Variants in CADPS2 observed in about 807,000 individuals in gnomAD.
The protein encoded by CADPS2 is calcium-dependent secretion activator 2.
A neutral mutation model predicts 172.5 loss-of-function variants in CADPS2; 93 were observed. The ratio of observed to expected loss-of-function variants is 0.54; its 90% CI spans 0.46 to 0.64. CADPS2 has a LOEUF of 0.64. CADPS2 is among the 30% of genes least tolerant of loss of function. CADPS2 has a pLI of 0.00. For synonymous variants in CADPS2, 546 were observed against 555.2 expected (o/e 0.98, Z 0.23); for missense variants, 1,420 against 1,565.9 (o/e 0.91, Z 1.57).
At chr7:122,406,353 A>G (rs995062757) in intron 20 of CADPS2, among the ~76,000 whole-genome samples, 2 of 152,224 alleles carry the variant, frequency 1.3e-5, no homozygotes, top group African/African-American at 4.8e-5. Flanking sequence ...AGCAGCAAAA[A>G]CATGTGCAGT....
chr7:122,623,179 G>T (rs2075766672), intron 4 of CADPS2, among the ~76,000 whole-genome samples: 1 of 131,770 alleles, frequency 7.6e-6, no homozygotes, highest in Admixed American at 8.7e-5. Context: ...CAGCAAATTT[G>T]TATCCTTAAG....
intron 7 of CADPS2, among the ~76,000 whole-genome samples, chr7:122,558,952 CAG>C (rs1455213977): frequency 6.6e-6 from 1 of 152,054 alleles, no homozygotes; most frequent in Non-Finnish European, 1.5e-5. Flanking sequence ...GCTAGAAAAA[CAG>C]AGGGGCTAGA....
chr7:122,880,020 T>C (rs1435119235), intron 1 of CADPS2, among the ~76,000 whole-genome samples: 1 of 152,220 alleles, frequency 6.6e-6, no homozygotes, highest in African/African-American at 2.4e-5. Flanking sequence ...ATTACTTTAA[T>C]AATTATGTTA....
chr7:122,444,127 T>C (rs2151980278), intron 15 of CADPS2, among the ~76,000 whole-genome samples: 1 of 152,308 alleles, frequency 6.6e-6, no homozygotes, highest in Admixed American at 6.5e-5. Flanking sequence ...TTGATATTCA[T>C]TCATGCTGTT....
intron 12 of CADPS2, among the ~76,000 whole-genome samples, chr7:122,479,220 T>C (rs2057027692): frequency 6.6e-6 from 1 of 152,170 alleles, no homozygotes. Flanking sequence ...CAAATGACTC[T>C]TTTGAAATAT....
intron 8 of CADPS2, among the ~76,000 whole-genome samples, chr7:122,541,358 A>C (rs1424581996): frequency 4.7e-5 from 4 of 85,416 alleles, no homozygotes; most frequent in Non-Finnish European, 6.5e-5. Flanking sequence ...CACCACACCC[A>C]GCTATTTTTT....
chr7:122,797,438 G>A (rs1361504971), intron 1 of CADPS2, among the ~76,000 whole-genome samples: 3 of 152,042 alleles, frequency 2.0e-5, no homozygotes, highest in Non-Finnish European at 4.4e-5. Flanking sequence ...CAAACACATG[G>A]AATCAAACTA....
intron 5 of CADPS2, among the ~76,000 whole-genome samples, chr7:122,615,631 G>A (rs2074815534): frequency 6.6e-6 from 1 of 151,996 alleles, no homozygotes; most frequent in Non-Finnish European, 1.5e-5. Flanking sequence ...TGCACATTAA[G>A]CAGAATCACA....
At chr7:122,701,228 G>A (rs966509393) in intron 2 of CADPS2, among the ~76,000 whole-genome samples, 6 of 152,092 alleles carry the variant, frequency 3.9e-5, no homozygotes, top group Non-Finnish European at 8.8e-5. Context: ...AAGAAAATGT[G>A]GCACATATAC....
At chr7:122,674,033 T>C (rs2135628525) in intron 2 of CADPS2, among the ~76,000 whole-genome samples, 1 of 152,172 alleles carries the variant, frequency 6.6e-6, no homozygotes, top group Non-Finnish European at 1.5e-5. Flanking sequence ...CTGGCAGTAC[T>C]GGGGGATCCG....
chr7:122,484,624 GA>G (rs2057618633), intron 11 of CADPS2, among the ~76,000 whole-genome samples: 1 of 149,148 alleles, frequency 6.7e-6, no homozygotes, highest in Middle Eastern at 3.4e-3. Context: ...GCACAACTAT[GA>G]AAAAAATTGA....
chr7:122,710,259 G>GT (rs2088486435), intron 2 of CADPS2, among the ~76,000 whole-genome samples: 1 of 151,932 alleles, frequency 6.6e-6, no homozygotes, highest in South Asian at 2.1e-4. Flanking sequence ...TTCTCCTTAC[G>GT]TTTTTCCAAT....
intron 1 of CADPS2, among the ~76,000 whole-genome samples, chr7:122,872,182 T>C (rs1819931098): frequency 6.6e-6 from 1 of 152,082 alleles, no homozygotes; most frequent in Non-Finnish European, 1.5e-5. Context: ...TTACATAGTT[T>C]TAAGGTGATT....
At chr7:122,835,715 G>A (rs1226386290) in intron 1 of CADPS2, among the ~76,000 whole-genome samples, 4 of 152,092 alleles carry the variant, frequency 2.6e-5, no homozygotes, top group Non-Finnish European at 5.9e-5. Flanking sequence ...GAAATGAAGT[G>A]AGAAGTTTAG....
intron 9 of CADPS2, among the ~76,000 whole-genome samples, chr7:122,494,299 G>A (rs1427052581): frequency 6.6e-6 from 1 of 152,112 alleles, no homozygotes; most frequent in Admixed American, 6.6e-5. Context: ...AGCAAGGAAC[G>A]TATCTCAAGG....
intron 8 of CADPS2, among the ~76,000 whole-genome samples, chr7:122,544,959 T>TC (rs1406445277): frequency 6.6e-6 from 1 of 152,114 alleles, no homozygotes; most frequent in Non-Finnish European, 1.5e-5. Flanking sequence ...CTAAGTAAGG[T>TC]CCTAGACAGC....
intron 3 of CADPS2, among the ~76,000 whole-genome samples, chr7:122,646,073 T>C (rs528653500): frequency 6.6e-6 from 1 of 152,104 alleles, no homozygotes; most frequent in Non-Finnish European, 1.5e-5. Flanking sequence ...TTTCCAAAAC[T>C]TTCCCAGAGC....
intron 6 of CADPS2, among the ~76,000 whole-genome samples, chr7:122,611,001 C>G (rs2074227071): frequency 6.6e-6 from 1 of 152,076 alleles, no homozygotes; most frequent in African/African-American, 2.4e-5. Context: ...TTTTGCTGAT[C>G]AAAGGCACCT....
intron 1 of CADPS2, among the ~76,000 whole-genome samples, chr7:122,845,486 G>A (rs1322806770): frequency 6.6e-6 from 1 of 152,138 alleles, no homozygotes; most frequent in Non-Finnish European, 1.5e-5. Flanking sequence ...ATCCACACAA[G>A]AGAGTTAATT....
Sources: gnomAD v4.1 joint callset for allele counts (sites outside exome capture counted in the v4.1 genomes callset) on GRCh38, gnomAD v4.1.1 for gene constraint, MANE v1.5 for transcripts, NCBI Gene and HGNC (gene_info 2026-07-23, HGNC 2026-07-21) for gene names.